The following VWA8 variants were observed in gnomAD, a reference collection of about 807,000 sequenced individuals.
The protein encoded by VWA8 is von Willebrand factor A domain containing 8.
Under a neutral mutation model 241.5 loss-of-function variants are expected in VWA8, and 221 were observed. The ratio of observed to expected loss-of-function variants is 0.91; its 90% confidence interval spans 0.82 to 1.02. The LOEUF (loss-of-function observed/expected upper bound fraction) is 1.02, where lower values mean the gene tolerates loss of function less well. Among genes scored for constraint, VWA8 ranks in the 50% least tolerant of loss-of-function variants. The pLI, the probability that VWA8 is intolerant of heterozygous loss-of-function variation, is 0.00. For synonymous variants in VWA8, 852 were observed against 827.1 expected, an observed-to-expected ratio of 1.03 and a Z score of -0.52; for missense variants, 2,322 against 2,328.7, an observed-to-expected ratio of 1.00 and a Z score of 0.06.
chr13:41,804,223 A>C (rs1362825337), intron 17 of VWA8, among the ~76,000 whole-genome samples: 1 of 152,202 alleles, frequency 6.6e-6, no homozygotes, highest in Non-Finnish European at 1.5e-5. Context: ...TAACTCAAAA[A>C]AGACAACCTC....
At chr13:41,782,237 T>C (rs755398171) in intron 19 of VWA8, among the ~76,000 whole-genome samples, 20 of 152,342 alleles carry the variant, frequency 1.3e-4, no homozygotes, top group Middle Eastern at 3.4e-3. Context: ...GCAACAGACA[T>C]TGTGTTCAAG....
intron 18 of VWA8, 150 bp from the exon 19 acceptor site, chr13:41,784,051 A>T (rs1240682615): frequency 1.6e-6 from 1 of 613,766 alleles, no homozygotes; most frequent in African/African-American, 1.9e-5. Context: ...GTAATAAAAC[A>T]CCACAGCTCT....
chr13:41,771,652 C>T (rs893915583), intron 20 of VWA8, among the ~76,000 whole-genome samples: 3 of 152,130 alleles, frequency 2.0e-5, no homozygotes, highest in Non-Finnish European at 4.4e-5. Flanking sequence ...AATCTCAGTT[C>T]ACTGCAACTT....
At chr13:41,768,770 T>C (rs2045797249) in intron 20 of VWA8, among the ~76,000 whole-genome samples, 2 of 152,216 alleles carry the variant, frequency 1.3e-5, no homozygotes, top group African/African-American at 4.8e-5. Flanking sequence ...TATGGGTCTA[T>C]ACTTCTTAGG....
At chr13:41,662,683 A>AT (rs1026265728) in intron 37 of VWA8, among the ~76,000 whole-genome samples, 3 of 150,410 alleles carry the variant, frequency 2.0e-5, no homozygotes, top group African/African-American at 7.3e-5. Flanking sequence ...TCTTTTTTAA[A>AT]TTTTTTTATT....
intron 37 of VWA8, among the ~76,000 whole-genome samples, chr13:41,644,793 A>T (rs1293495466): frequency 6.6e-6 from 1 of 152,196 alleles, no homozygotes; most frequent in Non-Finnish European, 1.5e-5. Context: ...TACTATAAGG[A>T]GTGTTTTGGG....
intron 40 of VWA8, among the ~76,000 whole-genome samples, chr13:41,595,384 T>C (rs565906029): frequency 6.6e-6 from 1 of 152,270 alleles, no homozygotes; most frequent in African/African-American, 2.4e-5. Context: ...TTTTTCTTTC[T>C]TTTTGGGGGT....
intron 12 of VWA8, chr13:41,864,756 A>G (rs1873207962): frequency 3.5e-6 from 1 of 287,818 alleles, no homozygotes. Context: ...AGGAAGTGGT[A>G]ATGGTTACAC....
chr13:41,734,199 G>C (rs2045507289), intron 21 of VWA8, among the ~76,000 whole-genome samples: 1 of 152,256 alleles, frequency 6.6e-6, no homozygotes, highest in East Asian at 1.9e-4. Context: ...TTAGCCAGGA[G>C]TGGTGGCACG....
At chr13:41,630,035 G>T (rs1357503144) in intron 37 of VWA8, among the ~76,000 whole-genome samples, 3 of 152,132 alleles carry the variant, frequency 2.0e-5, no homozygotes, top group Middle Eastern at 3.2e-3. Context: ...TATTTTAAGT[G>T]CCTTTATAAG....
At chr13:41,778,627 C>T (rs1195827305) in intron 19 of VWA8, among the ~76,000 whole-genome samples, 2 of 151,830 alleles carry the variant, frequency 1.3e-5, no homozygotes, top group East Asian at 3.9e-4. Context: ...AAAAATAAGA[C>T]ACCTGTAAGT....
chr13:41,728,165 T>C (rs746284020), intron 23 of VWA8, among the ~76,000 whole-genome samples: 18 of 150,316 alleles, frequency 1.2e-4, no homozygotes, highest in Non-Finnish European at 1.8e-4. Flanking sequence ...TTTTTTATGA[T>C]ACCAAAAAGT....
intron 40 of VWA8, among the ~76,000 whole-genome samples, chr13:41,604,777 T>C (rs1279930992): frequency 6.6e-6 from 1 of 152,176 alleles, no homozygotes; most frequent in Non-Finnish European, 1.5e-5. Context: ...CCTAAATTAT[T>C]TGTGCAAACT....
chr13:41,811,451 T>TA (rs992597030), intron 16 of VWA8, 111 bp from the exon 17 acceptor site: 11 of 640,858 alleles, frequency 1.7e-5, no homozygotes, highest in Non-Finnish European at 2.6e-5. Flanking sequence ...AGGCCAAACT[T>TA]AAAGTATGTG....
At chr13:41,884,472 T>C (rs927338400) in intron 8 of VWA8, among the ~76,000 whole-genome samples, 6 of 152,098 alleles carry the variant, frequency 3.9e-5, no homozygotes, top group African/African-American at 1.4e-4. Context: ...CTTTTCTTTA[T>C]AAATTACCCA....
rs116087273 is a variant in VWA8 at position 41,879,651 on chromosome 13, T to A, written c.1080+3736A>T. On this transcript the variant is annotated intron_variant, in intron 9 of 44. Transcript: ENST00000379310. ...ATGAAAATACTGTTTCTTTGGGTTC[T>A]TTGGCTAACTGCTCTGAAAAAAAAA... Among the ~76,000 whole-genome samples the A allele has an allele frequency of 1.7e-3, 263 of 151,982 alleles. 2 individuals are homozygous for A. Among genetic ancestry groups the A allele is most frequent in the African/African-American group, 5.8e-3 (242 of 41,496 alleles).
At chr13:41,788,835 G>C (rs776247293) in intron 17 of VWA8, among the ~76,000 whole-genome samples, 3 of 152,134 alleles carry the variant, frequency 2.0e-5, no homozygotes, top group Non-Finnish European at 4.4e-5. Context: ...TTCAGGCTTA[G>C]ACTTGTTGGC....
intron 21 of VWA8, among the ~76,000 whole-genome samples, chr13:41,749,622 T>TA (rs1006209556): frequency 2.0e-5 from 3 of 152,026 alleles, no homozygotes; most frequent in Non-Finnish European, 4.4e-5. Flanking sequence ...CCAACAATGA[T>TA]AGACTAGATT....
intron 12 of VWA8, among the ~76,000 whole-genome samples, chr13:41,864,914 G>T (rs891539208): frequency 5.9e-5 from 9 of 151,442 alleles, no homozygotes; most frequent in Admixed American, 1.3e-4. Context: ...CTTGAACCCG[G>T]GGTGGGCAGA....
Sources: allele counts gnomAD v4.1 joint callset (sites outside exome capture counted in the v4.1 genomes callset), GRCh38; gene constraint gnomAD v4.1.1; transcripts MANE v1.5; gene names NCBI Gene and HGNC (gene_info 2026-07-23, HGNC 2026-07-21).